KIF13B: variants seen among roughly 807,000 people sequenced by gnomAD.
The protein encoded by KIF13B is kinesin family member 13B.
A neutral mutation model predicts 222.0 loss-of-function variants in KIF13B; 127 were observed. The ratio of observed to expected loss-of-function variants is 0.57; its 90% CI spans 0.50 to 0.66. The LOEUF (loss-of-function observed/expected upper bound fraction) is 0.66. Among genes scored for constraint, KIF13B ranks in the 30% least tolerant of loss-of-function variants. The pLI is 0.00. For missense variants in KIF13B, 2,173 were observed against 2,379.0 expected (o/e 0.91, Z 1.80); for synonymous variants, 976 against 919.0 (o/e 1.06, Z -1.12).
chr8:29,183,070 TTTTG>T (rs778790377), intron 6 of KIF13B, among the ~76,000 whole-genome samples: 60 of 152,262 alleles, frequency 3.9e-4, no homozygotes, highest in South Asian at 8.3e-4. Flanking sequence ...CATTTTATAT[TTTTG>T]TTTATCCTTA....
rs1478637697 is a variant in KIF13B at position 29,140,113 on chromosome 8, C to T, written c.2563G>A (p.Ala855Thr). 2 of 1,611,766 alleles carry T rather than the reference C, an allele frequency of 1.2e-6. No individual in the cohort carries two copies. The highest frequency in any genetic ancestry group is 1.3e-5 in the African/African-American group (1 of 75,018). The change falls in exon 21 of 40, where the codon GCA becomes ACA. Residue 855 changes from alanine (A) to threonine (T), a missense_variant. Ala to Thr is a moderately conservative substitution (Grantham distance 58). Coordinates refer to ENST00000524189, the MANE Select transcript of KIF13B (RefSeq NM_015254.4). ...GERIAGGDEVAEVSFEKETQE... is the reference protein window; with the variant it reads ...GERIAGGDEVTEVSFEKETQE... Reference sequence around the variant, plus strand: ...GTCTCCTTCTCAAAGGAGACCTCTGCCACCTCATCGCCTCCTGCGATCCTC... The same window carrying T: ...GTCTCCTTCTCAAAGGAGACCTCTGTCACCTCATCGCCTCCTGCGATCCTC...
chr8:29,244,739 T>C (rs1334049458), intron 2 of KIF13B, among the ~76,000 whole-genome samples: 2 of 152,228 alleles, frequency 1.3e-5, no homozygotes, highest in Non-Finnish European at 2.9e-5. Flanking sequence ...ATTCATGTTC[T>C]TCCCTTTCCT....
intron 1 of KIF13B, among the ~76,000 whole-genome samples, chr8:29,248,991 T>C (rs1158762992): frequency 6.6e-6 from 1 of 152,186 alleles, no homozygotes; most frequent in Non-Finnish European, 1.5e-5. Context: ...ATTGGTTGAA[T>C]TGTATGGGGC....
At chr8:29,087,344 A>C (rs1017384613) in intron 37 of KIF13B, among the ~76,000 whole-genome samples, 9 of 152,328 alleles carry the variant, frequency 5.9e-5, no homozygotes, top group African/African-American at 2.2e-4. Flanking sequence ...ACGCAGAGAG[A>C]TTACAGCTTT....
At chr8:29,113,366 TTTCAC>T in intron 32 of KIF13B, 92 bp downstream of exon 32, 1 of 652,778 alleles carries the variant, frequency 1.5e-6, no homozygotes, top group Non-Finnish European at 2.6e-6. Context: ...AAACATACAC[TTTCAC>T]TTCATATGTA....
At chr8:29,119,066 G>A in intron 29 of KIF13B, 74 bp from the exon 30 acceptor site, 1 of 1,435,444 alleles carries the variant, frequency 7.0e-7, no homozygotes, top group Non-Finnish European at 9.5e-7. Context: ...ATTTCAATGT[G>A]ATTATTACAA....
chr8:29,156,558 A>G (rs546212020), intron 13 of KIF13B, among the ~76,000 whole-genome samples: 2 of 151,908 alleles, frequency 1.3e-5, no homozygotes, highest in Non-Finnish European at 2.9e-5. Flanking sequence ...TCTGTCACCC[A>G]GGCTGGAGTG....
intron 35 of KIF13B, among the ~76,000 whole-genome samples, chr8:29,103,468 A>C (rs1021674550): frequency 6.6e-6 from 1 of 152,150 alleles, no homozygotes; most frequent in Non-Finnish European, 1.5e-5. Flanking sequence ...TCTGTACAAT[A>C]ATGATGAAAC....
chr8:29,091,960 C>T (rs2133546913), intron 37 of KIF13B, among the ~76,000 whole-genome samples: 1 of 152,314 alleles, frequency 6.6e-6, no homozygotes, highest in East Asian at 1.9e-4. Context: ...TGCATTCATA[C>T]ACTTAGAAAA....
chr8:29,072,020 G>A lies in KIF13B; in HGVS notation c.4818C>T (p.Pro1606=), dbSNP rs1807312386. The change falls in exon 39 of 40, where the codon CCC becomes CCT. Residue 1606 remains proline (P), a synonymous_variant. Coordinates refer to ENST00000524189, the MANE Select transcript of KIF13B (RefSeq NM_015254.4). ...CCGTGGGCGGTGGGGGGTGGCTGATGGGCGCCTCGGGCTCGGCCTCAGGGG... is the reference window on the plus strand; with the variant it reads ...CCGTGGGCGGTGGGGGGTGGCTGATAGGCGCCTCGGGCTCGGCCTCAGGGG... ...PTAPEAEPEA[P]ISHPPPPTAV... 7.7e-7 allele frequency: 1 copy of A among 1,292,902 alleles called. No individual in the cohort carries two copies. Among genetic ancestry groups the A allele is most frequent in the Admixed American group, 4.2e-5 (1 of 23,652 alleles). The allele number at this position is 1,292,902 out of a possible 1,614,324, so 80.1% of individuals were successfully genotyped here. A position where few individuals can be genotyped will look rare whatever the true frequency, so the allele number is the denominator to read the frequency against.
chr8:29,197,051 A>C (rs1813454557), intron 2 of KIF13B, among the ~76,000 whole-genome samples: 1 of 152,094 alleles, frequency 6.6e-6, no homozygotes, highest in African/African-American at 2.4e-5. Context: ...AAAATAACTC[A>C]ATATGGCCGG....
chr8:29,212,119 T>G (rs1387154047), intron 2 of KIF13B, among the ~76,000 whole-genome samples: 1 of 152,240 alleles, frequency 6.6e-6, no homozygotes, highest in South Asian at 2.1e-4. Flanking sequence ...GTGAAGCTAT[T>G]ATAAATACTG....
intron 35 of KIF13B, among the ~76,000 whole-genome samples, chr8:29,105,647 T>C (rs1255573055): frequency 1.6e-5 from 2 of 124,660 alleles, no homozygotes; most frequent in South Asian, 2.7e-4. Flanking sequence ...CAGAGTTTGT[T>C]TGGTTTTTTT....
intron 2 of KIF13B, among the ~76,000 whole-genome samples, chr8:29,205,277 T>G (rs145179804): frequency 2.4e-4 from 36 of 152,256 alleles, no homozygotes; most frequent in African/African-American, 8.7e-4. Flanking sequence ...AGACATCACA[T>G]TAGAAAATCT....
At chr8:29,235,852 A>C (rs892758126) in intron 2 of KIF13B, among the ~76,000 whole-genome samples, 1 of 152,224 alleles carries the variant, frequency 6.6e-6, no homozygotes, top group Non-Finnish European at 1.5e-5. Flanking sequence ...TCATCTAAAC[A>C]CAAGGCAATG....
chr8:29,196,719 T>C (rs116629038), intron 2 of KIF13B, among the ~76,000 whole-genome samples: 120 of 152,284 alleles, frequency 7.9e-4, no homozygotes, highest in Middle Eastern at 3.4e-3. Flanking sequence ...CAGCTGAGTA[T>C]CCCTCATCCA....
At position 29,071,865 on chromosome 8, in the gene KIF13B, G is replaced by C. The variant is rs1273354529; in HGVS notation, c.4973C>G (p.Ser1658Cys). 3 of 1,536,300 alleles carry C rather than the reference G, an allele frequency of 2.0e-6. No homozygotes were observed. The highest frequency in any genetic ancestry group is 2.6e-6 in the Non-Finnish European group (3 of 1,145,746). The change falls in exon 39 of 40, where the codon TCC becomes TGC. Residue 1658 changes from serine (S) to cysteine (C), a missense_variant. Around this residue, in one of 2 missense-constraint regions of KIF13B, gnomAD observed 693 missense variants for 656.2 expected, o/e 1.06. Transcript: ENST00000524189. The surrounding 1 kb of genome is among the most constrained non-coding windows in gnomAD (Gnocchi z 4.9). ...GTCCCCAGCCAGCATGCGCGAGAAG[G>C]AGCGCAACTCCGAGGCCCGCACCCT... ...VRRVRASELR[S>C]FSRMLAGDPG...
rs200834673 is a variant in KIF13B at position 29,127,258 on chromosome 8, C to T, written c.3086G>A (p.Arg1029Gln). ...TGACTTCACTTCGACTTGAACTCTC[C>T]GGGACTGCCCCTGGGTCACAGACAA... ...GIFQLRQGQS[R>Q]RVQVEVKSVQ... Residue 1029 changes from arginine (R) to glutamine (Q), a missense_variant, in exon 25 of 40, where the codon CGG becomes CAG. By Grantham distance (43) the Arg-to-Gln change is conservative. Around this residue, in one of 2 missense-constraint regions of KIF13B, gnomAD observed 1,480 missense variants for 1,722.8 expected, o/e 0.86. Transcript: ENST00000524189. 1.4e-5 allele frequency: 23 copies of T among 1,613,454 alleles called. No individual in the cohort carries two copies. The highest frequency in any genetic ancestry group is 2.2e-5 in the East Asian group (1 of 44,886).
Position 29,150,340 on chromosome 8 carries a change from G to T in KIF13B, c.1579C>A (p.His527Asn). Residue 527 changes from histidine (H) to asparagine (N), a missense_variant, in exon 15 of 40, where the codon CAC becomes AAC. Coordinates refer to ENST00000524189, the MANE Select transcript of KIF13B (RefSeq NM_015254.4). ...CCCCATAATATCCTGTCCCCATGGT[G>T]TAGCTGTATTGGACTGGAGACAGAT... ...GSSVSSPIQL[H>N]HGDRILWGNN... 6.3e-7 allele frequency: 1 copy of T among 1,596,166 alleles called. No individual in the cohort carries two copies. The highest frequency in any genetic ancestry group is 8.6e-7 in the Non-Finnish European group (1 of 1,166,168).
Sources: allele counts gnomAD v4.1 joint callset (sites outside exome capture counted in the v4.1 genomes callset), GRCh38; gene constraint gnomAD v4.1.1; regional missense constraint gnomAD v4.1.1; non-coding constraint Gnocchi (gnomAD v3.1); transcripts MANE v1.5; gene names NCBI Gene and HGNC (gene_info 2026-07-23, HGNC 2026-07-21).